The following TMEM132D variants were observed in gnomAD, a reference collection of about 807,000 sequenced individuals.
TMEM132D encodes the protein mature OL transmembrane protein.
A neutral mutation model predicts 62.3 loss-of-function variants in TMEM132D; 21 were observed. That is an observed-to-expected ratio of 0.34 (90% CI 0.24 to 0.49). TMEM132D has a LOEUF of 0.49. Among genes scored for constraint, TMEM132D ranks in the 20% least tolerant of loss-of-function variants. The pLI is 0.99. For synonymous variants in TMEM132D, 621 were observed against 575.6 expected (o/e 1.08, Z -1.13); for missense variants, 1,346 against 1,402.8 (o/e 0.96, Z 0.65).
intron 5 of TMEM132D, among the ~76,000 whole-genome samples, chr12:129,106,385 G>A (rs1018465936): frequency 1.3e-5 from 2 of 151,418 alleles, no homozygotes; most frequent in African/African-American, 2.4e-5. Flanking sequence ...CCTGCACATT[G>A]TGCACATGTA....
intron 1 of TMEM132D, among the ~76,000 whole-genome samples, chr12:129,794,739 C>G (rs975866490): frequency 6.6e-6 from 1 of 152,086 alleles, no homozygotes; most frequent in African/African-American, 2.4e-5. Flanking sequence ...TGAGTGCGAT[C>G]TTTTTTCCAC....
At chr12:129,262,935 C>T (rs59717131) in intron 4 of TMEM132D, 13,726 of 152,722 alleles carry the variant, frequency 0.09, 781 homozygotes, top group Admixed American at 0.18. Flanking sequence ...GAACCATCAA[C>T]GGCACCCTTG....
intron 1 of TMEM132D, among the ~76,000 whole-genome samples, chr12:129,747,584 G>A (rs768544049): frequency 8.8e-5 from 12 of 136,774 alleles, no homozygotes; most frequent in African/African-American, 1.7e-4. Context: ...ACACACACAC[G>A]CGCTCACATG....
chr12:129,429,955 G>A (rs1421775677), intron 3 of TMEM132D, among the ~76,000 whole-genome samples: 2 of 152,058 alleles, frequency 1.3e-5, no homozygotes, highest in African/African-American at 4.8e-5. Context: ...GTGTATATGT[G>A]CCACATTTTC....
intron 4 of TMEM132D, among the ~76,000 whole-genome samples, chr12:129,335,086 C>T (rs114582946): frequency 0.017 from 2,564 of 148,812 alleles, 67 homozygotes; most frequent in African/African-American, 0.06. Flanking sequence ...ATAGATAACA[C>T]TTACTGTGTG....
intron 4 of TMEM132D, among the ~76,000 whole-genome samples, chr12:129,244,663 CAG>C (rs1880044799): frequency 6.6e-6 from 1 of 151,716 alleles, no homozygotes; most frequent in African/African-American, 2.4e-5. Context: ...GTTTTTGAGA[CAG>C]AGTCTTGCTC....
chr12:129,131,660 A>G (rs1876378311), intron 5 of TMEM132D, among the ~76,000 whole-genome samples: 1 of 152,170 alleles, frequency 6.6e-6, no homozygotes, highest in African/African-American at 2.4e-5. Context: ...ACTATCAGGT[A>G]TGAGAATCCA....
At chr12:129,375,269 C>T (rs1870752066) in intron 3 of TMEM132D, among the ~76,000 whole-genome samples, 1 of 152,182 alleles carries the variant, frequency 6.6e-6, no homozygotes, top group African/African-American at 2.4e-5. Context: ...TTACTAAACA[C>T]AGAACAATTT....
At chr12:129,474,466 G>C (rs1325883161) in intron 3 of TMEM132D, among the ~76,000 whole-genome samples, 1 of 152,172 alleles carries the variant, frequency 6.6e-6, no homozygotes, top group East Asian at 1.9e-4. Context: ...CCACAAGTAG[G>C]ATCACTGGTG....
intron 3 of TMEM132D, among the ~76,000 whole-genome samples, chr12:129,463,563 T>C (rs1566077601): frequency 6.6e-6 from 1 of 151,970 alleles, no homozygotes; most frequent in Non-Finnish European, 1.5e-5. Context: ...CATGTTGGTG[T>C]GCTGCACCCA....
At chr12:129,770,714 T>TA (rs1169477652) in intron 1 of TMEM132D, among the ~76,000 whole-genome samples, 2 of 152,304 alleles carry the variant, frequency 1.3e-5, no homozygotes, top group Non-Finnish European at 2.9e-5. Flanking sequence ...TCAGAACACT[T>TA]ACATTTTCCT....
At chr12:129,275,558 G>C (rs1880981417) in intron 4 of TMEM132D, among the ~76,000 whole-genome samples, 1 of 152,176 alleles carries the variant, frequency 6.6e-6, no homozygotes, top group Non-Finnish European at 1.5e-5. Flanking sequence ...CTGGAGCTGA[G>C]ACACACAAAA....
intron 3 of TMEM132D, among the ~76,000 whole-genome samples, chr12:129,390,332 G>T (rs150830502): frequency 2.6e-5 from 4 of 152,168 alleles, no homozygotes; most frequent in Middle Eastern, 6.8e-3. Context: ...CAGGAACCAC[G>T]TGCCCCACAA....
At chr12:129,493,867 C>T (rs1874870768) in intron 3 of TMEM132D, among the ~76,000 whole-genome samples, 1 of 152,206 alleles carries the variant, frequency 6.6e-6, no homozygotes, top group Admixed American at 6.5e-5. Context: ...CCCAATTCTC[C>T]ACCCGGGTTT....
chr12:129,639,291 G>A (rs559145542), intron 2 of TMEM132D, among the ~76,000 whole-genome samples: 2 of 149,296 alleles, frequency 1.3e-5, no homozygotes, highest in South Asian at 4.3e-4. Context: ...GCTGAGGCAG[G>A]AGAATCAGTG....
intron 4 of TMEM132D, among the ~76,000 whole-genome samples, chr12:129,236,514 C>CAAAAAAAAAAAAAAAAAAAAAAA (rs60745384): frequency 6.0e-5 from 4 of 67,072 alleles, no homozygotes; most frequent in Non-Finnish European, 5.8e-5. Flanking sequence ...GACTCCATCT[C>CAAAAAAAAAAAAAAAAAAAAAAA]AAAAAAAAAA....
At chr12:129,452,253 G>A (rs4759942) in intron 3 of TMEM132D, among the ~76,000 whole-genome samples, 120,005 of 152,254 alleles carry the variant, frequency 0.79, 50,211 homozygotes, top group East Asian at 1. Flanking sequence ...ATAACATGCC[G>A]AACACCGGAA....
At chr12:129,434,863 A>G (rs978245634) in intron 3 of TMEM132D, among the ~76,000 whole-genome samples, 12 of 152,094 alleles carry the variant, frequency 7.9e-5, no homozygotes, top group Non-Finnish European at 1.2e-4. Context: ...TATACACTAC[A>G]CTATTGTTAA....
At chr12:129,336,220 T>C (rs74451944) in intron 4 of TMEM132D, among the ~76,000 whole-genome samples, 4,243 of 152,282 alleles carry the variant, frequency 0.028, 214 homozygotes, top group African/African-American at 0.097. Flanking sequence ...TCCTAATTGG[T>C]ACACATGTCA....
Sources: allele counts gnomAD v4.1 joint callset (sites outside exome capture counted in the v4.1 genomes callset), GRCh38; gene constraint gnomAD v4.1.1; transcripts MANE v1.5; gene names NCBI Gene and HGNC (gene_info 2026-07-23, HGNC 2026-07-21).